Variants in LRCH1 observed in about 807,000 individuals in gnomAD.
The protein encoded by LRCH1 is leucine-rich repeat and calponin homology domain-containing protein 1.
In LRCH1, 23 loss-of-function variants were observed where a neutral mutation model predicts 94.9. That is an observed-to-expected ratio of 0.24 (90% CI 0.17 to 0.34). The LOEUF (loss-of-function observed/expected upper bound fraction) is 0.34. Ranked by LOEUF, LRCH1 falls within the 10% of genes least tolerant of loss-of-function variation. LRCH1 has a pLI of 1.00. For synonymous variants in LRCH1, 364 were observed against 354.9 expected, an observed-to-expected ratio of 1.03 and a Z score of -0.29; for missense variants, 790 against 945.9, an observed-to-expected ratio of 0.84 and a Z score of 2.16.
In LRCH1 at chr13:46,567,492, T is replaced by G. The variant is rs1180839633; in HGVS notation, c.307+13789T>G. On this transcript the variant is annotated intron_variant, in intron 1 of 19. Transcript: ENST00000389797. ...TCTCTGCATGCAATTTAAGGCAATTTTGTGTGTGTGTGTGTGTGTGTGTGT... is the reference window on the plus strand; with the variant it reads ...TCTCTGCATGCAATTTAAGGCAATTGTGTGTGTGTGTGTGTGTGTGTGTGT... 5.6e-5 allele frequency among the ~76,000 whole-genome samples: 8 copies of G among 141,954 alleles called. No homozygotes were observed. In the East Asian group the frequency reaches 6.1e-4, roughly 11 times the overall value. The allele number at this position is 141,954 out of a possible 152,430, so 93.1% of individuals were successfully genotyped here. A position where few individuals can be genotyped will look rare whatever the true frequency, so the allele number is the denominator to read the frequency against.
At chr13:46,669,197 A>C in intron 3 of LRCH1, 41 bp downstream of exon 3, 1 of 1,607,874 alleles carries the variant, frequency 6.2e-7, no homozygotes, top group Non-Finnish European at 8.5e-7. Context: ...TTGTTGGTTG[A>C]CTGATCATAG....
intron 11 of LRCH1, among the ~76,000 whole-genome samples, chr13:46,702,322 T>G (rs964595081): frequency 3.9e-5 from 6 of 152,084 alleles, no homozygotes; most frequent in Admixed American, 3.9e-4. Context: ...GCCAACATGG[T>G]GAAACCCTGT....
intron 3 of LRCH1, among the ~76,000 whole-genome samples, chr13:46,675,594 C>A (rs2051660990): frequency 6.6e-6 from 1 of 152,074 alleles, no homozygotes; most frequent in South Asian, 2.1e-4. Flanking sequence ...AGTTTGGATT[C>A]AAAGATTGAT....
At chr13:46,703,641 G>A (rs759872845) in intron 11 of LRCH1, among the ~76,000 whole-genome samples, 1 of 152,070 alleles carries the variant, frequency 6.6e-6, no homozygotes, top group African/African-American at 2.4e-5. Context: ...ACAATTTGGG[G>A]ATACTTTAAG....
chr13:46,692,456 G>T (rs575289517), intron 7 of LRCH1, 80 bp from the exon 8 acceptor site: 850 of 978,948 alleles, frequency 8.7e-4, no homozygotes, highest in Non-Finnish European at 1.2e-3. Flanking sequence ...ATCACAGGAT[G>T]TTGTTTTATT....
At chr13:46,654,595 C>G (rs842407) in intron 2 of LRCH1, among the ~76,000 whole-genome samples, 116,081 of 152,056 alleles carry the variant, frequency 0.76, 44,559 homozygotes, top group East Asian at 0.91. Context: ...ACATATCCAA[C>G]ATAGAAGTAT....
chr13:46,707,311 A>G (rs1871815018), intron 13 of LRCH1, among the ~76,000 whole-genome samples: 1 of 152,118 alleles, frequency 6.6e-6, no homozygotes, highest in African/African-American at 2.4e-5. Flanking sequence ...TTTCCTTATC[A>G]GTTTGAACTT....
At chr13:46,683,865 T>C (rs1414146556) in intron 4 of LRCH1, among the ~76,000 whole-genome samples, 3 of 152,208 alleles carry the variant, frequency 2.0e-5, no homozygotes, top group Non-Finnish European at 4.4e-5. Context: ...CTTAAAAAAA[T>C]AACTTCCTCA....
Position 46,695,001 on chromosome 13 carries a change from A to T in LRCH1, c.1229A>T (p.Glu410Val), listed in dbSNP as rs1239099812. The stretch of plus-strand genomic sequence containing the variant: ...GATAGAGCAGATGGTCTCCATTCGG[A>T]ATTTATGAACTATAAGGCAAGATTT... ...FTDRADGLHS[E>V]FMNYKARAED... The change falls in exon 9 of 20, where the codon GAA (glutamate) becomes GTA (valine). Residue 410 changes from glutamate (E) to valine (V), a missense_variant. Physicochemically the swap from Glu to Val is moderately radical, Grantham distance 121. Around this residue, in one of 3 missense-constraint regions of LRCH1, gnomAD observed 460 missense variants for 508.9 expected, o/e 0.90. Coordinates refer to ENST00000389797, the MANE Select transcript of LRCH1 (RefSeq NM_001164211.2). 1.2e-6 allele frequency: 2 copies of T among 1,614,040 alleles called. No homozygotes were observed. The highest frequency in any genetic ancestry group is 3.3e-5 in the Admixed American group (2 of 59,974).
At chr13:46,648,286 T>C (rs1487373745) in intron 1 of LRCH1, among the ~76,000 whole-genome samples, 1 of 152,170 alleles carries the variant, frequency 6.6e-6, no homozygotes, top group Non-Finnish European at 1.5e-5. Context: ...CAGGCAGTAA[T>C]GTGAGCAGTG....
intron 14 of LRCH1, 113 bp from the exon 15 acceptor site, chr13:46,712,412 C>T (rs1048408122): frequency 1.3e-5 from 10 of 772,564 alleles, no homozygotes; most frequent in Non-Finnish European, 1.9e-5. Flanking sequence ...CACACAGCAG[C>T]GAATGCAAAA....
intron 1 of LRCH1, among the ~76,000 whole-genome samples, chr13:46,588,520 A>C (rs771424560): frequency 2.3e-4 from 35 of 151,934 alleles, no homozygotes; most frequent in Non-Finnish European, 4.7e-4. Flanking sequence ...GAATTTATGT[A>C]GCATAGCACA....
At chr13:46,747,063 G>A (rs1413991819), downstream of LRCH1, among the ~76,000 whole-genome samples, 1 of 152,138 alleles carries the variant, frequency 6.6e-6, no homozygotes, top group East Asian at 1.9e-4. Context: ...AGTAATCTGA[G>A]GGCACCTCTG....
exon 19 of LRCH1, chr13:46,752,336 C>G (rs191597699): frequency 6.6e-6 from 1 of 152,152 alleles, no homozygotes; most frequent in Non-Finnish European, 1.5e-5. Flanking sequence ...TAGAGGGGGA[C>G]GCAAAAGAAA....
At chr13:46,751,712 T>C (rs1874148860) in exon 19 of LRCH1, 1 of 152,114 alleles carries the variant, frequency 6.6e-6, no homozygotes, top group Admixed American at 6.6e-5. Context: ...GCACCAAAGG[T>C]AGATAATGAA....
At chr13:46,724,952 C>T (rs577722553) in intron 17 of LRCH1, among the ~76,000 whole-genome samples, 64 of 152,296 alleles carry the variant, frequency 4.2e-4, no homozygotes, top group Non-Finnish European at 7.4e-4. Context: ...TTGGGATCAA[C>T]CCAGGCTCGC....
intron 1 of LRCH1, among the ~76,000 whole-genome samples, chr13:46,638,428 A>G (rs1427138968): frequency 6.6e-6 from 1 of 152,208 alleles, no homozygotes; most frequent in Non-Finnish European, 1.5e-5. Flanking sequence ...GAAATTAACC[A>G]GTTACTGATG....
chr13:46,574,750 A>G (rs2050282365), intron 1 of LRCH1, among the ~76,000 whole-genome samples: 1 of 151,910 alleles, frequency 6.6e-6, no homozygotes, highest in Non-Finnish European at 1.5e-5. Flanking sequence ...TAAAAAGTCA[A>G]CCCATGTAAC....
chr13:46,750,058 C>T (rs955143345), intron 18 of LRCH1, among the ~76,000 whole-genome samples: 17 of 152,140 alleles, frequency 1.1e-4, no homozygotes, highest in African/African-American at 3.4e-4. Flanking sequence ...GCCAGTCCAC[C>T]CACTTGCCTG....
Sources: gnomAD v4.1 joint callset for allele counts (sites outside exome capture counted in the v4.1 genomes callset) on GRCh38, gnomAD v4.1.1 for gene constraint, gnomAD v4.1.1 regional missense constraint, MANE v1.5 for transcripts, NCBI Gene and HGNC (gene_info 2026-07-23, HGNC 2026-07-21) for gene names.